ADGRL3: variants seen among roughly 807,000 people sequenced by gnomAD.
ADGRL3 encodes calcium-independent alpha-latrotoxin receptor 3.
ADGRL3 carries 62 observed loss-of-function variants against 153.5 expected under a neutral mutation model. The ratio of observed to expected loss-of-function variants is 0.40; its 90% confidence interval spans 0.33 to 0.50. The LOEUF (loss-of-function observed/expected upper bound fraction) is 0.50. Ranked by LOEUF, ADGRL3 falls within the 20% of genes least tolerant of loss-of-function variation. The pLI is 0.47. For synonymous variants in ADGRL3, 710 were observed against 672.5 expected (o/e 1.06, Z -0.86); for missense variants, 1,641 against 1,859.4 (o/e 0.88, Z 2.16).
At chr4:61,241,292 T>G (rs1754848697) in intron 1 of ADGRL3, among the ~76,000 whole-genome samples, 1 of 152,022 alleles carries the variant, frequency 6.6e-6, no homozygotes. Flanking sequence ...GTGATAGTTT[T>G]CGTGAGCATG....
intron 2 of ADGRL3, among the ~76,000 whole-genome samples, chr4:61,425,923 A>T (rs2097273859): frequency 6.6e-6 from 1 of 152,194 alleles, no homozygotes; most frequent in Non-Finnish European, 1.5e-5. Context: ...TGAGGCAGGC[A>T]ACAGCAGATT....
intron 11 of ADGRL3, among the ~76,000 whole-genome samples, chr4:61,902,432 A>T (rs2149721598): frequency 6.6e-6 from 1 of 151,982 alleles, no homozygotes; most frequent in African/African-American, 2.4e-5. Context: ...CCTTTCATTC[A>T]CTCCTGAACC....
At chr4:61,577,026 G>A (rs2098889418) in intron 4 of ADGRL3, among the ~76,000 whole-genome samples, 1 of 152,006 alleles carries the variant, frequency 6.6e-6, no homozygotes, top group South Asian at 2.1e-4. Context: ...CAAGGTCTCT[G>A]TTGTGGAAGA....
chr4:61,972,909 G>T (rs980756957), intron 17 of ADGRL3, among the ~76,000 whole-genome samples: 2 of 151,778 alleles, frequency 1.3e-5, no homozygotes, highest in Non-Finnish European at 2.9e-5. Flanking sequence ...AGTAAAACAG[G>T]TTCTTGATAA....
intron 17 of ADGRL3, among the ~76,000 whole-genome samples, chr4:61,975,977 G>A: frequency 6.6e-6 from 1 of 152,128 alleles, no homozygotes; most frequent in East Asian, 1.9e-4. Context: ...TCCAAGTGGA[G>A]ATTAAATGGG....
chr4:62,031,395 T>C, intron 22 of ADGRL3, 47 bp from the exon 23 acceptor site: 4 of 1,476,070 alleles, frequency 2.7e-6, no homozygotes, highest in Non-Finnish European at 3.7e-6. Context: ...GGTTGTTAAT[T>C]AAAGATCAAT....
intron 2 of ADGRL3, among the ~76,000 whole-genome samples, chr4:61,456,375 CTATATATA>C (rs558941032): frequency 9.1e-6 from 1 of 110,178 alleles, no homozygotes; most frequent in African/African-American, 3.7e-5. Context: ...ATAGATATAT[CTATATATA>C]TATATAGATA....
chr4:62,003,054 G>T (rs546483444), intron 21 of ADGRL3, among the ~76,000 whole-genome samples: 1 of 152,196 alleles, frequency 6.6e-6, no homozygotes, highest in Non-Finnish European at 1.5e-5. Context: ...AAAATAATTT[G>T]CTTAATAACA....
chr4:61,431,850 A>G (rs1402510123), intron 2 of ADGRL3, among the ~76,000 whole-genome samples: 1 of 151,998 alleles, frequency 6.6e-6, no homozygotes, highest in African/African-American at 2.4e-5. Flanking sequence ...CTTCCTCTCT[A>G]AGTAACCTTA....
At chr4:61,290,915 C>A (rs1242087702) in intron 1 of ADGRL3, among the ~76,000 whole-genome samples, 2 of 151,478 alleles carry the variant, frequency 1.3e-5, no homozygotes, top group Non-Finnish European at 2.9e-5. Context: ...ACTATAAATG[C>A]AAAATATTAA....
chr4:61,203,544 C>T (rs997425887), intron 1 of ADGRL3, among the ~76,000 whole-genome samples: 1 of 152,212 alleles, frequency 6.6e-6, no homozygotes, highest in South Asian at 2.1e-4. Context: ...AAATTGCCTT[C>T]TGTGTTTTGC....
At position 62,075,451 on chromosome 4, in the gene ADGRL3, A is replaced by G. The variant is rs1166321737; in HGVS notation, c.*4543A>G. ...AAAAACAAAAACCCAAAGTCCAACT[A>G]TTTAGTTTTGAGCAAATCTGAAGAT... On this transcript the variant is annotated 3_prime_UTR_variant, in exon 27 of 27. Coordinates refer to ENST00000683033, the MANE Select transcript of ADGRL3 (RefSeq NM_001387552.1). The G allele has an allele frequency of 1.3e-5, 2 of 152,164 alleles. No individual in the cohort carries two copies. The highest frequency in any genetic ancestry group is 4.8e-5 in the African/African-American group (2 of 41,452). 9.4% of individuals were successfully genotyped at this position (152,164 alleles called of 1,614,324 possible). A position where few individuals can be genotyped will look rare whatever the true frequency, so the allele number is the denominator to read the frequency against.
At chr4:61,216,830 C>T (rs1270838485) in intron 1 of ADGRL3, among the ~76,000 whole-genome samples, 2 of 152,194 alleles carry the variant, frequency 1.3e-5, no homozygotes, top group Non-Finnish European at 2.9e-5. Context: ...AAAAATAATA[C>T]CTACCTTTCA....
In ADGRL3 at chr4:61,430,722, GT is replaced by G. The variant is rs373878053; in HGVS notation, c.-174+47536del. ...GTTCATCCCTTATTCAGGGAATGGT[GT>G]TTCTCATTGCCCCTTATATAATATG... On this transcript the variant is annotated intron_variant, in intron 2 of 26. Transcript: ENST00000683033. Among the ~76,000 whole-genome samples, 393 of 152,158 alleles carry G rather than the reference GT, an allele frequency of 2.6e-3. 3 individuals are homozygous for G. The highest frequency in any genetic ancestry group is 8.9e-3 in the African/African-American group (368 of 41,530).
chr4:61,725,686 C>G (rs1349361933), intron 6 of ADGRL3, among the ~76,000 whole-genome samples: 1 of 151,592 alleles, frequency 6.6e-6, no homozygotes, highest in Non-Finnish European at 1.5e-5. Flanking sequence ...AATATTATAC[C>G]AGATATAGTG....
intron 1 of ADGRL3, among the ~76,000 whole-genome samples, chr4:61,264,998 C>T (rs1266112104): frequency 6.6e-6 from 1 of 151,612 alleles, no homozygotes. Context: ...TTTTGGTCAC[C>T]CAAGTAAGAG....
chr4:61,313,305 C>T (rs1421581698), intron 1 of ADGRL3, among the ~76,000 whole-genome samples: 2 of 152,136 alleles, frequency 1.3e-5, no homozygotes, highest in African/African-American at 2.4e-5. Context: ...TATGGCACTG[C>T]AATGGCTGAT....
At chr4:61,484,753 T>C (rs2098170892) in intron 2 of ADGRL3, among the ~76,000 whole-genome samples, 1 of 152,194 alleles carries the variant, frequency 6.6e-6, no homozygotes, top group South Asian at 2.1e-4. Context: ...TATGAAGAAC[T>C]TCAAAGATTA....
intron 4 of ADGRL3, among the ~76,000 whole-genome samples, chr4:61,579,142 A>G (rs777796287): frequency 4.6e-5 from 7 of 152,066 alleles, no homozygotes; most frequent in Non-Finnish European, 7.4e-5. Context: ...GACCTGAGAT[A>G]ATACCTAATG....
Sources: allele counts gnomAD v4.1 joint callset (sites outside exome capture counted in the v4.1 genomes callset), GRCh38; gene constraint gnomAD v4.1.1; transcripts MANE v1.5; gene names NCBI Gene and HGNC (gene_info 2026-07-23, HGNC 2026-07-21).